YAP1: variants seen among roughly 807,000 people sequenced by gnomAD.
YAP1 encodes the protein Yes1 associated transcriptional regulator.
Under a neutral mutation model 56.9 loss-of-function variants are expected in YAP1, and 5 were observed. That is an observed-to-expected ratio of 0.09 (90% CI 0.05 to 0.18). YAP1 has a LOEUF of 0.18. Among genes scored for constraint, YAP1 ranks in the 10% least tolerant of loss-of-function variants. YAP1 has a pLI of 1.00. For missense variants in YAP1, 539 were observed against 651.8 expected (o/e 0.83, Z 1.88); for synonymous variants, 265 against 248.1 (o/e 1.07, Z -0.64).
chr11:102,206,377 T>G (rs986479369), intron 5 of YAP1, among the ~76,000 whole-genome samples: 19 of 152,204 alleles, frequency 1.2e-4, no homozygotes, highest in African/African-American at 4.3e-4. Context: ...TACATGGAAT[T>G]GTGGATTGCT....
intron 3 of YAP1, among the ~76,000 whole-genome samples, chr11:102,166,708 G>A (rs1946632441): frequency 4.6e-5 from 7 of 151,972 alleles, no homozygotes; most frequent in Admixed American, 4.6e-4. Flanking sequence ...CACTCTACTG[G>A]GTTAATCATG....
intron 1 of YAP1, among the ~76,000 whole-genome samples, chr11:102,111,908 C>G (rs1942951548): frequency 6.6e-6 from 1 of 152,006 alleles, no homozygotes; most frequent in Non-Finnish European, 1.5e-5. Context: ...GCTTCCCCTG[C>G]CCAGACTTTC....
At chr11:102,151,491 C>A (rs1409508114) in intron 2 of YAP1, among the ~76,000 whole-genome samples, 1 of 152,190 alleles carries the variant, frequency 6.6e-6, no homozygotes, top group Non-Finnish European at 1.5e-5. Context: ...TCCATAAACA[C>A]CCTAAACCTT....
At chr11:102,121,751 C>T (rs1036370248) in intron 2 of YAP1, among the ~76,000 whole-genome samples, 3 of 152,098 alleles carry the variant, frequency 2.0e-5, no homozygotes, top group African/African-American at 7.2e-5. Flanking sequence ...GGGACTGCTG[C>T]CTCTGATTTT....
At chr11:102,192,572 C>T (rs187130314) in intron 4 of YAP1, among the ~76,000 whole-genome samples, 23 of 152,314 alleles carry the variant, frequency 1.5e-4, no homozygotes, top group Admixed American at 6.5e-4. Context: ...TCTGCTATCA[C>T]AATATAACCA....
chr11:102,155,611 A>G (rs1379165665), intron 2 of YAP1, among the ~76,000 whole-genome samples: 1 of 152,190 alleles, frequency 6.6e-6, no homozygotes, highest in Admixed American at 6.5e-5. Context: ...CTTTATTTTG[A>G]TGAAGACCAT....
intron 6 of YAP1, among the ~76,000 whole-genome samples, chr11:102,212,585 ATTTTT>A (rs1234463365): frequency 1.3e-5 from 2 of 151,526 alleles, no homozygotes; most frequent in Non-Finnish European, 2.9e-5. Flanking sequence ...TTTTATTTTT[ATTTTT>A]ATTTTTATTT....
intron 6 of YAP1, among the ~76,000 whole-genome samples, chr11:102,219,013 T>C (rs538999865): frequency 3.3e-5 from 5 of 152,330 alleles, no homozygotes; most frequent in South Asian, 2.1e-4. Context: ...AAAAATAATA[T>C]GAAAATTATA....
chr11:102,225,279 A>C (rs1950142145), intron 7 of YAP1, among the ~76,000 whole-genome samples: 1 of 152,146 alleles, frequency 6.6e-6, no homozygotes, highest in South Asian at 2.1e-4. Context: ...CTGGGGTAAG[A>C]GTTCGAGACC....
At chr11:102,119,188 A>G (rs553612850) in intron 2 of YAP1, among the ~76,000 whole-genome samples, 16 of 152,120 alleles carry the variant, frequency 1.1e-4, no homozygotes, top group Non-Finnish European at 2.4e-4. Context: ...CCCAGGGAAG[A>G]ATGGCACACA....
intron 4 of YAP1, among the ~76,000 whole-genome samples, chr11:102,191,751 C>T (rs189178714): frequency 2.0e-3 from 308 of 152,190 alleles, no homozygotes; most frequent in South Asian, 1.0e-2. Flanking sequence ...GGCTCAATCT[C>T]AGTTCACTGC....
chr11:102,110,732 G>C lies in YAP1; in HGVS notation c.-117G>C. On this transcript the variant is annotated 5_prime_UTR_variant, in exon 1 of 9. Transcript: ENST00000282441. ...CCCCCCGGCCCTGAGAGCGAGGACAGCGCCGCCCGGCCCGCAGCCGTCGCC... is the reference window on the plus strand; with the variant it reads ...CCCCCCGGCCCTGAGAGCGAGGACACCGCCGCCCGGCCCGCAGCCGTCGCC... 1 of 993,144 alleles carries C rather than the reference G, an allele frequency of 1.0e-6. No individual in the cohort carries two copies. Among genetic ancestry groups the C allele is most frequent in the Non-Finnish European group, 1.3e-6 (1 of 784,532 alleles). 61.5% of individuals were successfully genotyped at this position (993,144 alleles called of 1,614,324 possible). A position where few individuals can be genotyped will look rare whatever the true frequency, so the allele number is the denominator to read the frequency against.
chr11:102,151,049 C>A (rs1391236261), intron 2 of YAP1, among the ~76,000 whole-genome samples: 3 of 151,778 alleles, frequency 2.0e-5, no homozygotes, highest in Admixed American at 2.0e-4. Context: ...TTGCTGGTCT[C>A]GAATGCCTGA....
intron 3 of YAP1, among the ~76,000 whole-genome samples, chr11:102,178,551 A>G (rs1947401009): frequency 6.6e-6 from 1 of 152,220 alleles, no homozygotes; most frequent in Admixed American, 6.5e-5. Context: ...GACATGGAGT[A>G]TTTCTTTTTA....
chr11:102,122,202 T>C (rs1943696550), intron 2 of YAP1, among the ~76,000 whole-genome samples: 1 of 151,886 alleles, frequency 6.6e-6, no homozygotes, highest in South Asian at 2.1e-4. Context: ...GGCAGATAAC[T>C]TGAGGGTAGG....
At position 102,110,929 on chromosome 11, in the gene YAP1, G is replaced by A. The variant is rs914654817; in HGVS notation, c.81G>A (p.Gln27=). The A allele has an allele frequency of 3.0e-5, 44 of 1,461,998 alleles. 1 individual carries two copies. In the Admixed American group the frequency reaches 3.5e-4, roughly 12 times the overall value. 90.6% of individuals were successfully genotyped at this position (1,461,998 alleles called of 1,614,324 possible). ...CGCCTTCGCAGCCCCCGCAGGGGCAGGGCCCGCCGTCCGGACCCGGGCAAC... is the reference window on the plus strand; with the variant it reads ...CGCCTTCGCAGCCCCCGCAGGGGCAAGGCCCGCCGTCCGGACCCGGGCAAC... ...GQPPSQPPQG[Q]GPPSGPGQPA... Residue 27 remains glutamine (Q), a synonymous_variant, in exon 1 of 9, where the codon CAG becomes CAA. Transcript: ENST00000282441.
chr11:102,226,477 C>T (rs774280438), intron 7 of YAP1, among the ~76,000 whole-genome samples: 1 of 152,100 alleles, frequency 6.6e-6, no homozygotes, highest in African/African-American at 2.4e-5. Flanking sequence ...ATGTACAAGC[C>T]GTAGAGAAAG....
At chr11:102,200,286 C>T (rs986520003) in intron 4 of YAP1, among the ~76,000 whole-genome samples, 9 of 152,100 alleles carry the variant, frequency 5.9e-5, no homozygotes, top group Non-Finnish European at 1.2e-4. Context: ...CCATTCATCC[C>T]ATACAACAGA....
chr11:102,181,613 T>A (rs540953288), intron 3 of YAP1, among the ~76,000 whole-genome samples: 71 of 151,284 alleles, frequency 4.7e-4, no homozygotes, highest in African/African-American at 1.3e-3. Flanking sequence ...AAATAAAATT[T>A]AAAAAAAAAC....
Sources: allele counts gnomAD v4.1 joint callset (sites outside exome capture counted in the v4.1 genomes callset), GRCh38; gene constraint gnomAD v4.1.1; transcripts MANE v1.5; gene names NCBI Gene and HGNC (gene_info 2026-07-23, HGNC 2026-07-21).